The following USP16 variants were observed in gnomAD, a reference collection of about 807,000 sequenced individuals.
USP16 encodes the protein ubiquitin specific peptidase 16, also known as ubiquitin carboxyl-terminal hydrolase 16.
Under a neutral mutation model 95.9 loss-of-function variants are expected in USP16, and 77 were observed. The ratio of observed to expected loss-of-function variants is 0.80; its 90% CI spans 0.67 to 0.97. The LOEUF (loss-of-function observed/expected upper bound fraction) is 0.97, where lower values mean the gene tolerates loss of function less well. Ranked by LOEUF, USP16 falls within the 50% of genes least tolerant of loss-of-function variation. USP16 has a pLI of 0.00. For missense variants in USP16, 943 were observed against 959.9 expected (o/e 0.98, Z 0.23); for synonymous variants, 303 against 318.2 (o/e 0.95, Z 0.51).
At chr21:29,029,679 C>A (rs2085049907) in intron 2 of USP16, among the ~76,000 whole-genome samples, 1 of 152,180 alleles carries the variant, frequency 6.6e-6, no homozygotes, top group Non-Finnish European at 1.5e-5. Context: ...TTCAACTGCT[C>A]ATTTTTGCAC....
rs757092738 is a variant in USP16, at chr21:29,040,661, A to T, written c.1004A>T (p.Asp335Val). ...TTTGGTAATTCTACTGAAAAGTTGG[A>T]TGAAGAACTAAAAAATAAAGTTAAA... Reference protein sequence around the residue: ...KAFGNSTEKLDEELKNKVKDY... With the variant: ...KAFGNSTEKLVEELKNKVKDY... Residue 335 changes from aspartate to valine, a missense_variant, in exon 10 of 18, where the codon GAT becomes GTT. Asp to Val is a radical substitution (Grantham distance 152, BLOSUM62 -3). Coordinates refer to ENST00000399976, the MANE Select transcript of USP16 (RefSeq NM_006447.3). 7.1e-6 allele frequency: 11 copies of T among 1,545,544 alleles called. No homozygotes were observed. The highest frequency in any genetic ancestry group is 9.7e-6 in the Non-Finnish European group (11 of 1,128,874).
intron 2 of USP16, among the ~76,000 whole-genome samples, chr21:29,029,369 T>C (rs2085044559): frequency 6.6e-6 from 1 of 152,100 alleles, no homozygotes; most frequent in African/African-American, 2.4e-5. Flanking sequence ...GCCGAGATTG[T>C]GCCACTGCAC....
At chr21:29,049,194 T>C (rs1427117576) in intron 15 of USP16, among the ~76,000 whole-genome samples, 1 of 152,248 alleles carries the variant, frequency 6.6e-6, no homozygotes, top group Non-Finnish European at 1.5e-5. Flanking sequence ...GTTTTGTGTG[T>C]GGCATCTTGT....
intron 6 of USP16, 47 bp downstream of exon 6, chr21:29,037,510 T>C: frequency 1.4e-6 from 2 of 1,404,494 alleles, no homozygotes; most frequent in Middle Eastern, 4.0e-4. Context: ...CTTTTCCTCA[T>C]AGAATCTGCT....
At position 29,039,503 on chromosome 21, in the gene USP16, C is replaced by T. The variant is rs1319076420; in HGVS notation, c.886C>T (p.Gln296Ter). 6.2e-7 allele frequency: 1 copy of T among 1,613,194 alleles called. No individual in the cohort carries two copies. The highest frequency in any genetic ancestry group is 8.5e-7 in the Non-Finnish European group (1 of 1,179,404). Residue 296 changes from glutamine to a stop codon, truncating the protein, a stop_gained, in exon 9 of 18, where the codon CAG (glutamine) becomes TAG (stop). Coordinates refer to ENST00000399976, the MANE Select transcript of USP16 (RefSeq NM_006447.3). LOFTEE classifies it high-confidence loss of function. ...TAGAGCAGTGCGGTTTAAAGGCTAT[C>T]AGCAGCAAGACAGCCAGGAGCTGCT... The part of the protein sequence containing the change: ...CKKAVRFKGY[Q>*]QQDSQELLRY...
At position 29,042,500 on chromosome 21, in the gene USP16, AT is replaced by A. The variant is rs1384616949; in HGVS notation, c.1154del (p.Leu385CysfsTer6). 6.2e-7 allele frequency: 1 copy of A among 1,602,832 alleles called. No individual in the cohort carries two copies. Among genetic ancestry groups the A allele is most frequent in the Non-Finnish European group, 8.5e-7 (1 of 1,176,640 alleles). On this transcript the variant is annotated frameshift_variant, in exon 12 of 18. Transcript: ENST00000399976. LOFTEE classifies it high-confidence loss of function. ...TVSLVHESFL[D>X]LSLPVLDDQS... Reference sequence around the variant, plus strand: ...TCCTTGGTTCATGAATCTTTCCTTGATTTGTCCCTCCCAGTTTTAGATGATC... The same window carrying A: ...TCCTTGGTTCATGAATCTTTCCTTGATTGTCCCTCCCAGTTTTAGATGATC...
chr21:29,024,944 C>A, intron 1 of USP16, 167 bp downstream of exon 1: 1 of 706,650 alleles, frequency 1.4e-6, no homozygotes, highest in Non-Finnish European at 1.9e-6. Flanking sequence ...CATGTTCTGT[C>A]AGTTCCAGAA....
Position 29,030,791 on chromosome 21 carries a change from G to C in USP16, c.240+18G>C. On this transcript the variant is annotated intron_variant, in intron 3 of 17. Transcript: ENST00000399976. ...GCCATCAGGTATGCTTACGTTTTAAGATCAATATGGGATTTTAGAAAACTC... is the reference window on the plus strand; with the variant it reads ...GCCATCAGGTATGCTTACGTTTTAACATCAATATGGGATTTTAGAAAACTC... 6.3e-7 allele frequency: 1 copy of C among 1,584,412 alleles called. No homozygotes were observed. The highest frequency in any genetic ancestry group is 8.5e-7 in the Non-Finnish European group (1 of 1,169,898).
At position 29,042,028 on chromosome 21, in the gene USP16, A is replaced by C. The variant is rs1265582021; in HGVS notation, c.1046A>C (p.Lys349Thr). The change falls in exon 11 of 18, where the codon AAA becomes ACA. Residue 349 changes from lysine to threonine, a missense_variant. Transcript: ENST00000399976. The part of the protein sequence containing the change: ...KNKVKDYEKK[K>T]SMPSFVDRIF... ...TTCTCCATAGATTATGAGAAGAAAA[A>C]ATCAATGCCAAGTTTTGTTGACCGC... The C allele has an allele frequency of 2.5e-6, 4 of 1,613,154 alleles. No homozygotes were observed. Among genetic ancestry groups the C allele is most frequent in the Non-Finnish European group, 3.4e-6 (4 of 1,179,528 alleles).
chr21:29,049,034 A>T (rs2085374033), intron 15 of USP16, among the ~76,000 whole-genome samples, 179 bp downstream of exon 15: 1 of 152,222 alleles, frequency 6.6e-6, no homozygotes, highest in African/African-American at 2.4e-5. Context: ...GCATGTGAAG[A>T]TGGAGGCACA....
At position 29,034,067 on chromosome 21, in the gene USP16, G is replaced by T. The variant is rs539668021; in HGVS notation, c.241-770G>T. On this transcript the variant is annotated intron_variant, in intron 3 of 17. Transcript: ENST00000399976. ...GAGAGATATGTCGGGGTCAGAGGAT[G>T]TCAGGTTTGTTTATTAGGAGTTTAA... Among the ~76,000 whole-genome samples, 4 of 152,332 alleles carry T rather than the reference G, an allele frequency of 2.6e-5. No homozygotes were observed. In the South Asian group the frequency reaches 8.3e-4, roughly 32 times the overall value.
intron 16 of USP16, among the ~76,000 whole-genome samples, chr21:29,051,472 T>C (rs1361497038): frequency 6.6e-6 from 1 of 152,058 alleles, no homozygotes; most frequent in Non-Finnish European, 1.5e-5. Flanking sequence ...CTCCTAAGTA[T>C]CTGAGTGGAA....
At chr21:29,027,544 T>C (rs1432726812) in intron 1 of USP16, among the ~76,000 whole-genome samples, 1 of 152,228 alleles carries the variant, frequency 6.6e-6, no homozygotes, top group Non-Finnish European at 1.5e-5. Flanking sequence ...CACATGTATG[T>C]AGTGAGGAGT....
intron 15 of USP16, 54 bp from the exon 16 acceptor site, chr21:29,050,038 A>T: frequency 6.5e-7 from 1 of 1,537,548 alleles, no homozygotes. Context: ...CGGTTTACTT[A>T]ACCTGTATTG....
chr21:29,040,777 C>T, intron 10 of USP16, 90 bp downstream of exon 10: 2 of 558,234 alleles, frequency 3.6e-6, no homozygotes, highest in Non-Finnish European at 5.8e-6. Context: ...TCCAAGTCCA[C>T]AATTATTAAT....
chr21:29,038,192 C>T, intron 6 of USP16, 143 bp from the exon 7 acceptor site: 1 of 574,622 alleles, frequency 1.7e-6, no homozygotes, highest in Non-Finnish European at 3.1e-6. Flanking sequence ...GGGAGAGAAG[C>T]ATCTGTAACT....
Position 29,054,378 on chromosome 21 carries a change from T to A in USP16, c.*191T>A. 1.3e-6 allele frequency: 1 copy of A among 743,192 alleles called. No homozygotes were observed. Among genetic ancestry groups the A allele is most frequent in the South Asian group, 2.2e-5 (1 of 45,862 alleles). 46.0% of individuals were successfully genotyped at this position (743,192 alleles called of 1,614,324 possible). A position where few individuals can be genotyped will look rare whatever the true frequency, so the allele number is the denominator to read the frequency against. On this transcript the variant is annotated 3_prime_UTR_variant, in exon 18 of 18. Coordinates refer to ENST00000399976, the MANE Select transcript of USP16 (RefSeq NM_006447.3). ...AAGGTTTTATATTGTCATAGTGGTTTTTATTCCTGCTTTGTTTCTGGAAAG... is the reference window on the plus strand; with the variant it reads ...AAGGTTTTATATTGTCATAGTGGTTATTATTCCTGCTTTGTTTCTGGAAAG...
rs571632185 is a variant in USP16, at chr21:29,050,312, C to T, written c.2193+134C>T. The T allele has an allele frequency of 2.1e-4, 139 of 676,922 alleles. 1 individual carries two copies. The South Asian group carries it at 3.1e-3, about 15-fold the overall frequency. The allele number at this position is 676,922 out of a possible 1,614,324, so 41.9% of individuals were successfully genotyped here. On this transcript the variant is annotated intron_variant, in intron 16 of 17. Transcript: ENST00000399976. Reference sequence around the variant, plus strand: ...TAGAGTGGGTCTTTGATCATTGTACCTTTATAATTTGAAGATTAGTGATGA... The same window carrying T: ...TAGAGTGGGTCTTTGATCATTGTACTTTTATAATTTGAAGATTAGTGATGA...
chr21:29,037,197 T>G, intron 5 of USP16, 79 bp from the exon 6 acceptor site: 1 of 933,366 alleles, frequency 1.1e-6, no homozygotes, highest in Non-Finnish European at 1.5e-6. Context: ...TCACAAACTC[T>G]AGTACTGTTT....
Sources: gnomAD v4.1 joint callset for allele counts (sites outside exome capture counted in the v4.1 genomes callset) on GRCh38, gnomAD v4.1.1 for gene constraint, MANE v1.5 for transcripts, NCBI Gene and HGNC (gene_info 2026-07-23, HGNC 2026-07-21) for gene names.